Variants in TJP3 observed in about 807,000 individuals in gnomAD.
The protein encoded by TJP3 is tight junction protein 3.
Under a neutral mutation model 104.2 loss-of-function variants are expected in TJP3, and 85 were observed. That is an observed-to-expected ratio of 0.82 (90% CI 0.68 to 0.98). TJP3 has a LOEUF of 0.98. TJP3 is among the 50% of genes least tolerant of loss of function. TJP3 has a pLI of 0.00. For synonymous variants in TJP3, 550 were observed against 550.6 expected, an observed-to-expected ratio of 1.00 and a Z score of 0.02; for missense variants, 1,367 against 1,322.8, an observed-to-expected ratio of 1.03 and a Z score of -0.52.
chr19:3,736,461 T>A lies in TJP3; in HGVS notation c.1284+140T>A, dbSNP rs917859476. Reference sequence around the variant, plus strand: ...AGATGGGTATTTGAACATTTCAGTGTCTCCTTGGCTGTGTCATGATTTTGC... The same window carrying A: ...AGATGGGTATTTGAACATTTCAGTGACTCCTTGGCTGTGTCATGATTTTGC... On this transcript the variant is annotated intron_variant, in intron 11 of 20. Transcript: ENST00000541714. The A allele has an allele frequency of 4.0e-5, 33 of 833,742 alleles. 1 individual carries two copies. The African/African-American group carries it at 4.2e-4, about 11-fold the overall frequency. The allele number at this position is 833,742 out of a possible 1,614,324, so 51.6% of individuals were successfully genotyped here.
intron 1 of TJP3, among the ~76,000 whole-genome samples, chr19:3,717,305 G>C (rs1368624004): frequency 1.4e-5 from 2 of 146,796 alleles, no homozygotes; most frequent in African/African-American, 2.4e-5. Flanking sequence ...GTTTCACCAT[G>C]TTGGCCAGGC....
At chr19:3,721,272 G>T (rs2036539757) in intron 1 of TJP3, among the ~76,000 whole-genome samples, 1 of 152,160 alleles carries the variant, frequency 6.6e-6, no homozygotes, top group South Asian at 2.1e-4. Context: ...GCAGGAAAAA[G>T]GCACGCAGCC....
intron 18 of TJP3, among the ~76,000 whole-genome samples, chr19:3,747,527 C>T (rs1055766910): frequency 9.2e-5 from 14 of 152,166 alleles, no homozygotes; most frequent in Admixed American, 6.5e-5. Flanking sequence ...GAGACTCCTT[C>T]TCATAAAAAA....
intron 1 of TJP3, among the ~76,000 whole-genome samples, chr19:3,716,995 C>T (rs1229065345): frequency 2.4e-5 from 3 of 124,462 alleles, no homozygotes; most frequent in East Asian, 2.3e-4. Context: ...GACGGAGTTT[C>T]GCTCTTGTTG....
At chr19:3,723,808 A>AAATAT (rs368301716) in intron 1 of TJP3, among the ~76,000 whole-genome samples, 323 of 128,928 alleles carry the variant, frequency 2.5e-3, no homozygotes, top group South Asian at 5.0e-3. Context: ...AAAAAAAAAA[A>AAATAT]ATATATATAT....
chr19:3,736,369 G>A (rs764426940), intron 11 of TJP3, 48 bp downstream of exon 11: 2 of 1,469,954 alleles, frequency 1.4e-6, no homozygotes, highest in Non-Finnish European at 1.8e-6. Context: ...GGCGTGCAGT[G>A]TGCTAGGTCC....
At chr19:3,738,450 C>T in intron 11 of TJP3, 105 bp from the exon 12 acceptor site, 1 of 984,020 alleles carries the variant, frequency 1.0e-6, no homozygotes. Flanking sequence ...GGCAGCAGCT[C>T]TGGAAGCAGC....
intron 1 of TJP3, among the ~76,000 whole-genome samples, chr19:3,720,937 C>G (rs1282882683): frequency 7.5e-6 from 1 of 133,546 alleles, no homozygotes; most frequent in Admixed American, 8.1e-5. Flanking sequence ...GGGTCTCACT[C>G]TACTCTGTCG....
chr19:3,734,466 TA>T lies in TJP3; in HGVS notation c.986+32del, dbSNP rs780969672. The T allele has an allele frequency of 1.6e-5, 25 of 1,564,706 alleles. No homozygotes were observed. The South Asian group carries it at 2.3e-4, about 15-fold the overall frequency. On this transcript the variant is annotated intron_variant, in intron 8 of 20. Transcript: ENST00000541714. ...TATCACCCATCGGCCAGAATGGTGA[TA>T]GGGAGGGAGAGGGAGGTGGGAGGGA...
intron 1 of TJP3, among the ~76,000 whole-genome samples, chr19:3,709,727 G>A (rs886966456): frequency 1.3e-5 from 2 of 152,116 alleles, no homozygotes; most frequent in Admixed American, 6.6e-5. Context: ...CTTGAGATTC[G>A]GGAGTCCGTG....
Position 3,750,179 on chromosome 19 carries a change from C to T in TJP3, c.2652C>T (p.Ser884=), listed in dbSNP as rs759754494. Residue 884 remains serine, a synonymous_variant, in exon 20 of 21, where the codon AGC becomes AGT. Transcript: ENST00000541714. ...CCCAGGGACAGTGGCGACAGGACAGCATGCGGTAAGAACCCCATATTCCAG... is the reference window on the plus strand; with the variant it reads ...CCCAGGGACAGTGGCGACAGGACAGTATGCGGTAAGAACCCCATATTCCAG... The part of the protein sequence containing the change: ...RHPQGQWRQD[S]MRTYEREALK... 9 of 1,610,322 alleles carry T rather than the reference C, an allele frequency of 5.6e-6. No homozygotes were observed. In the East Asian group the frequency reaches 2.0e-4, roughly 36 times the overall value.
At chr19:3,735,717 G>A (rs1032599755) in intron 9 of TJP3, 78 bp downstream of exon 9, 118 of 1,602,368 alleles carry the variant, frequency 7.4e-5, no homozygotes, top group Non-Finnish European at 9.7e-5. Flanking sequence ...CAGAGCTGGG[G>A]GAGGTTGGCC....
chr19:3,743,634 G>A, intron 14 of TJP3: 1 of 288,558 alleles, frequency 3.5e-6, no homozygotes. Context: ...AGGTTCAACT[G>A]CTAAAAAGAG....
intron 1 of TJP3, among the ~76,000 whole-genome samples, chr19:3,709,918 G>T (rs1318324340): frequency 1.3e-5 from 2 of 152,110 alleles, no homozygotes; most frequent in African/African-American, 4.8e-5. Context: ...GGGAGGTCGA[G>T]GCGAGTGGAT....
chr19:3,717,300 A>T lies in TJP3; in HGVS notation c.-10+8739A>T, dbSNP rs142564156. The stretch of plus-strand genomic sequence containing the variant: ...ATATTTTTAGTACAGACAGAGTTTC[A>T]CCATGTTGGCCAGGCTGGTCTCAAA... On this transcript the variant is annotated intron_variant, in intron 1 of 20. Coordinates refer to ENST00000541714, the MANE Select transcript of TJP3 (RefSeq NM_001267560.2). 2.5e-4 allele frequency among the ~76,000 whole-genome samples: 36 copies of T among 144,838 alleles called. No individual in the cohort carries two copies. In the East Asian group the frequency reaches 5.7e-3, roughly 23 times the overall value.
rs755977057 is a variant in TJP3, at chr19:3,734,452, G to A, written c.986+17G>A. Reference sequence around the variant, plus strand: ...CTCTCCCGTGTAAGTATCACCCATCGGCCAGAATGGTGATAGGGAGGGAGA... The same window carrying A: ...CTCTCCCGTGTAAGTATCACCCATCAGCCAGAATGGTGATAGGGAGGGAGA... On this transcript the variant is annotated intron_variant, in intron 8 of 20. Coordinates refer to ENST00000541714, the MANE Select transcript of TJP3 (RefSeq NM_001267560.2). 35 of 1,586,242 alleles carry A rather than the reference G, an allele frequency of 2.2e-5. No homozygotes were observed. The East Asian group carries it at 2.7e-4, about 12-fold the overall frequency.
chr19:3,735,931 C>G lies in TJP3; in HGVS notation c.1123C>G (p.Arg375Gly), dbSNP rs1341066163. 6.2e-7 allele frequency: 1 copy of G among 1,614,128 alleles called. No individual in the cohort carries two copies. Among genetic ancestry groups the G allele is most frequent in the Non-Finnish European group, 8.5e-7 (1 of 1,180,024 alleles). Residue 375 changes from arginine to glycine, a missense_variant, in exon 10 of 21, where the codon CGT becomes GGT. Physicochemically the swap from Arg to Gly is moderately radical, Grantham distance 125. Transcript: ENST00000541714. ...GCCCAGCAGTCAGAGCATGGAGGAT[C>G]GTGGGTATGTACCCCAGAAGAAAGC... ...RVPSSQSMED[R>G]GYSPDTRVVR... is the part of the protein sequence containing the mutation.
chr19:3,745,667 A>G (rs1314358265), intron 15 of TJP3, among the ~76,000 whole-genome samples: 1 of 152,060 alleles, frequency 6.6e-6, no homozygotes, highest in Non-Finnish European at 1.5e-5. Flanking sequence ...GTTGGAACTG[A>G]GTCTGGGAGA....
rs772679424 is a variant in TJP3, at chr19:3,730,309, C to T, written c.262-46C>T. The T allele has an allele frequency of 3.0e-5, 45 of 1,494,270 alleles. No homozygotes were observed. Among genetic ancestry groups the T allele is most frequent in the African/African-American group, 4.2e-5 (3 of 71,650 alleles). The allele number at this position is 1,494,270 out of a possible 1,614,324, so 92.6% of individuals were successfully genotyped here. ...ACCCGGGGGCTGAGCAGAGCCTCCCCCAGCCCTTGCCTGTAGCTGACCCTT... is the reference window on the plus strand; with the variant it reads ...ACCCGGGGGCTGAGCAGAGCCTCCCTCAGCCCTTGCCTGTAGCTGACCCTT... On this transcript the variant is annotated intron_variant, in intron 4 of 20. Coordinates refer to ENST00000541714, the MANE Select transcript of TJP3 (RefSeq NM_001267560.2). This position sits in a 1 kb window ranked among gnomAD's most constrained non-coding sequence, Gnocchi z 7.3.
Sources: gnomAD v4.1 joint callset for allele counts (sites outside exome capture counted in the v4.1 genomes callset) on GRCh38, gnomAD v4.1.1 for gene constraint, Gnocchi (gnomAD v3.1) non-coding constraint, MANE v1.5 for transcripts, NCBI Gene and HGNC (gene_info 2026-07-23, HGNC 2026-07-21) for gene names.